The following GPHN variants were observed in gnomAD, a reference collection of about 807,000 sequenced individuals.
GPHN encodes the protein gephyrin.
GPHN carries 17 observed loss-of-function variants against 95.5 expected under a neutral mutation model. The observed-to-expected ratio is 0.18, with a 90% confidence interval of 0.12 to 0.27. The LOEUF is 0.27. GPHN is among the 10% of genes least tolerant of loss of function. The pLI, the probability that GPHN is intolerant of heterozygous loss-of-function variation, is 1.00. For synonymous variants in GPHN, 320 were observed against 322.5 expected (o/e 0.99, Z 0.08); for missense variants, 660 against 978.1 (o/e 0.67, Z 4.34).
the GPHN span, among the ~76,000 whole-genome samples, chr14:67,558,290 C>T: frequency 6.6e-6 from 1 of 152,202 alleles, no homozygotes; most frequent in South Asian, 2.1e-4. Context: ...ATTTCCTACA[C>T]ATGCCTTCTC....
At chr14:67,361,502 A>T in the GPHN span, among the ~76,000 whole-genome samples, 1 of 152,260 alleles carries the variant, frequency 6.6e-6, no homozygotes, top group Admixed American at 6.5e-5. Context: ...TTCAGAGAGC[A>T]TTCCTAATAC....
the GPHN span, among the ~76,000 whole-genome samples, chr14:67,330,348 T>C: frequency 1.6e-3 from 244 of 152,076 alleles, no homozygotes; most frequent in African/African-American, 5.6e-3. Flanking sequence ...AATGTAGGCA[T>C]TTGAAATTAT....
At chr14:66,562,762 G>T (rs2140294055) in intron 1 of GPHN, among the ~76,000 whole-genome samples, 1 of 152,178 alleles carries the variant, frequency 6.6e-6, no homozygotes, top group East Asian at 1.9e-4. Flanking sequence ...GCTGTCTTTT[G>T]GCTGATAAGG....
Position 67,088,971 on chromosome 14 carries a change from C to G in GPHN, c.1145-12C>G, listed in dbSNP as rs202119805. 2 of 1,509,166 alleles carry G rather than the reference C, an allele frequency of 1.3e-6. No individual in the cohort carries two copies. Among genetic ancestry groups the G allele is most frequent in the African/African-American group, 2.7e-5 (2 of 73,114 alleles). 93.5% of individuals were successfully genotyped at this position (1,509,166 alleles called of 1,614,324 possible). A position where few individuals can be genotyped will look rare whatever the true frequency, so the allele number is the denominator to read the frequency against. ...TCCATATTTACATTTTCCTTCTTTT[C>G]TCTTCCTTCAGATGGAATGGGGCGA... On this transcript the variant is annotated splice_polypyrimidine_tract_variant and intron_variant, in intron 11 of 22. Transcript: ENST00000478722.
chr14:67,183,330 G>C (rs1392215673), downstream of GPHN, among the ~76,000 whole-genome samples: 1 of 152,026 alleles, frequency 6.6e-6, no homozygotes, highest in African/African-American at 2.4e-5. Context: ...GTAAATATTT[G>C]CTCAATAAAA....
intron 1 of GPHN, among the ~76,000 whole-genome samples, chr14:66,562,120 A>C (rs2060280064): frequency 6.6e-6 from 1 of 152,136 alleles, no homozygotes; most frequent in Non-Finnish European, 1.5e-5. Context: ...CCTTAGTATT[A>C]ATTGTATTTG....
At chr14:67,234,751 T>C in the GPHN span, among the ~76,000 whole-genome samples, 3 of 149,284 alleles carry the variant, frequency 2.0e-5, no homozygotes, top group Admixed American at 1.3e-4. Flanking sequence ...GGTTTTGCCA[T>C]GTTGGCCAGG....
At chr14:67,259,316 G>A in the GPHN span, among the ~76,000 whole-genome samples, 3 of 152,014 alleles carry the variant, frequency 2.0e-5, no homozygotes, top group East Asian at 3.9e-4. Flanking sequence ...CTACTTTTAA[G>A]TGAGTAAGGC....
intron 2 of GPHN, among the ~76,000 whole-genome samples, chr14:66,715,683 A>T (rs1364127646): frequency 6.6e-6 from 1 of 152,042 alleles, no homozygotes; most frequent in Admixed American, 6.6e-5. Context: ...TTGTGTCACT[A>T]TTGTAGTTCA....
At chr14:66,839,431 T>A (rs980560959) in intron 4 of GPHN, among the ~76,000 whole-genome samples, 27 of 152,166 alleles carry the variant, frequency 1.8e-4, no homozygotes, top group Admixed American at 4.6e-4. Flanking sequence ...TAACATAATA[T>A]CCTTACGTGG....
intron 3 of GPHN, among the ~76,000 whole-genome samples, chr14:66,796,441 A>G (rs75622716): frequency 0.028 from 4,252 of 152,124 alleles, 88 homozygotes; most frequent in Non-Finnish European, 0.044. Context: ...ACTATTCTTC[A>G]TAGAGTTTGT....
At chr14:66,985,764 G>T (rs2070987284) in intron 9 of GPHN, 19 of 1,404,874 alleles carry the variant, frequency 1.4e-5, no homozygotes, top group Non-Finnish European at 1.7e-5. Context: ...ACATTTTTTG[G>T]CAAGATTTCG....
the GPHN span, chr14:67,572,140 T>C: frequency 6.2e-7 from 1 of 1,606,172 alleles, no homozygotes; most frequent in Admixed American, 1.7e-5. Flanking sequence ...GCAAGGCGTC[T>C]CCATGTCCTC....
the GPHN span, chr14:67,735,149 GT>G: frequency 3.4e-6 from 3 of 890,262 alleles, no homozygotes; most frequent in Non-Finnish European, 5.8e-6. Context: ...TCGACATGTT[GT>G]TGGCATTTTC....
the GPHN span, among the ~76,000 whole-genome samples, chr14:67,273,697 T>C: frequency 3.9e-5 from 6 of 152,204 alleles, no homozygotes; most frequent in African/African-American, 1.4e-4. Flanking sequence ...GGAATTGCCA[T>C]ACTGTCTTCC....
chr14:67,039,893 G>A (rs925956724), intron 10 of GPHN, among the ~76,000 whole-genome samples: 3 of 152,098 alleles, frequency 2.0e-5, no homozygotes, highest in Non-Finnish European at 4.4e-5. Context: ...CTATACAACC[G>A]TTCTACTTTG....
intron 2 of GPHN, among the ~76,000 whole-genome samples, chr14:66,752,795 C>T (rs1445279671): frequency 1.3e-5 from 2 of 151,696 alleles, no homozygotes; most frequent in African/African-American, 4.8e-5. Flanking sequence ...GTGAAAAGCA[C>T]AATAAAGCGA....
intron 17 of GPHN, among the ~76,000 whole-genome samples, chr14:67,123,944 A>G (rs1027153142): frequency 6.6e-6 from 1 of 152,242 alleles, no homozygotes; most frequent in Non-Finnish European, 1.5e-5. Context: ...GCATCTTGCC[A>G]GTAACCTGAA....
chr14:66,514,723 G>A (rs2058171824), intron 1 of GPHN, among the ~76,000 whole-genome samples: 1 of 151,996 alleles, frequency 6.6e-6, no homozygotes, highest in South Asian at 2.1e-4. Context: ...TAATCTTTCT[G>A]TTATTAGCAA....
Sources: allele counts gnomAD v4.1 joint callset (sites outside exome capture counted in the v4.1 genomes callset), GRCh38; gene constraint gnomAD v4.1.1; transcripts MANE v1.5; gene names NCBI Gene and HGNC (gene_info 2026-07-23, HGNC 2026-07-21).